The following CLCN5 variants were observed in gnomAD, a reference collection of about 807,000 sequenced individuals.
CLCN5 encodes the protein Cl-/H+ antiporter 5.
A neutral mutation model predicts 54.0 loss-of-function variants in CLCN5; 17 were observed. That is an observed-to-expected ratio of 0.31 (90% CI 0.22 to 0.47). CLCN5 has a LOEUF of 0.47. Among genes scored for constraint, CLCN5 ranks in the 20% least tolerant of loss-of-function variants. The pLI is 1.00. For missense variants in CLCN5, 448 were observed against 646.7 expected, an observed-to-expected ratio of 0.69 and a Z score of 3.33; for synonymous variants, 222 against 233.0, an observed-to-expected ratio of 0.95 and a Z score of 0.43.
chrX:50,046,611 A>G (rs782109336), intron 4 of CLCN5, among the ~76,000 whole-genome samples: 1 of 111,322 alleles, frequency 9.0e-6, no homozygotes, highest in Non-Finnish European at 1.9e-5. Flanking sequence ...TTAGAAATCT[A>G]GGTGGGGTCC....
At chrX:49,968,990 T>C (rs1928056497) in intron 3 of CLCN5, among the ~76,000 whole-genome samples, 2 of 111,662 alleles carry the variant, frequency 1.8e-5, no homozygotes, top group Admixed American at 9.5e-5. Flanking sequence ...TATTTTATTT[T>C]TTTTTCTTAC....
At chrX:50,080,533 A>C in intron 7 of CLCN5, 61 bp from the exon 8 acceptor site, 1 of 1,015,716 alleles carries the variant, frequency 9.8e-7, no homozygotes. Flanking sequence ...TACTCAGAAG[A>C]GCTGCATGTC....
chrX:50,067,546 T>TC, intron 4 of CLCN5: 1 of 741,372 alleles, frequency 1.3e-6, no homozygotes, highest in South Asian at 6.9e-5. Context: ...GTCACGTGAC[T>TC]CCAACAGTGA....
chrX:50,070,123 C>T, intron 5 of CLCN5, 93 bp downstream of exon 5: 1 of 859,768 alleles, frequency 1.2e-6, no homozygotes, highest in South Asian at 2.3e-5. Context: ...TTTCTTCAGC[C>T]CTGGATGTGA....
chrX:49,982,889 G>A (rs1478117094), intron 3 of CLCN5, among the ~76,000 whole-genome samples: 7 of 111,530 alleles, frequency 6.3e-5, no homozygotes, highest in African/African-American at 2.0e-4. Context: ...CCATGTATTA[G>A]TGTGCTACAA....
At chrX:50,057,391 ATCCAGGACTC>A in intron 4 of CLCN5, among the ~76,000 whole-genome samples, 1 of 84,344 alleles carries the variant, frequency 1.2e-5, no homozygotes, top group Admixed American at 1.2e-4. Flanking sequence ...GATAGATACT[ATCCAGGACTC>A]TCCTGGATAG....
chrX:49,958,324 T>C (rs782696969), intron 3 of CLCN5, among the ~76,000 whole-genome samples: 39 of 111,491 alleles, frequency 3.5e-4, no homozygotes, highest in African/African-American at 1.2e-3. Context: ...GGCATTCTTG[T>C]TGAGTAAGGT....
intron 3 of CLCN5, among the ~76,000 whole-genome samples, chrX:49,971,257 T>C (rs1928190576): frequency 1.9e-5 from 2 of 104,000 alleles, no homozygotes; most frequent in South Asian, 8.1e-4. Flanking sequence ...TATATATTTA[T>C]ATATATTTTT....
intron 3 of CLCN5, among the ~76,000 whole-genome samples, chrX:49,959,533 T>C (rs1013693504): frequency 2.7e-5 from 3 of 112,200 alleles, no homozygotes; most frequent in Non-Finnish European, 5.6e-5. Flanking sequence ...CTCTTTCCCT[T>C]GATGACACTG....
At chrX:50,025,373 C>G (rs1407291629) in intron 3 of CLCN5, among the ~76,000 whole-genome samples, 2 of 88,838 alleles carry the variant, frequency 2.3e-5, no homozygotes, top group African/African-American at 8.5e-5. Context: ...CCTGCGCCCA[C>G]TGTCTGGCAC....
chrX:50,031,889 T>TC (rs1294037672), intron 3 of CLCN5, among the ~76,000 whole-genome samples: 1 of 68,546 alleles, frequency 1.5e-5, no homozygotes, highest in East Asian at 5.4e-4. Context: ...CCCACAACAG[T>TC]CCCCAGAGTG....
intron 3 of CLCN5, among the ~76,000 whole-genome samples, chrX:50,025,472 G>T (rs1414393494): frequency 1.8e-5 from 2 of 109,463 alleles, no homozygotes. Context: ...GTAGACCGGA[G>T]CTGTTCCTAT....
At chrX:49,949,507 G>T (rs782674479) in intron 3 of CLCN5, among the ~76,000 whole-genome samples, 1 of 111,934 alleles carries the variant, frequency 8.9e-6, no homozygotes, top group East Asian at 2.8e-4. Context: ...ATACATATCA[G>T]ATAGATGGAC....
At chrX:50,036,527 T>A (rs1932005495) in intron 3 of CLCN5, among the ~76,000 whole-genome samples, 1 of 112,254 alleles carries the variant, frequency 8.9e-6, no homozygotes, top group South Asian at 3.7e-4. Flanking sequence ...TTCTCCTTTG[T>A]TGGGTCTTCA....
rs1934138521 is a variant in CLCN5 at position 50,092,551 on chromosome X, C to T, written c.*332C>T. On this transcript the variant is annotated 3_prime_UTR_variant, in exon 15 of 15. Transcript: ENST00000376091. Reference sequence around the variant, plus strand: ...CAATATGCAATCACTGAAAACTATGCAAGAGAAATTCCAACCGTCCTGACC... The same window carrying T: ...CAATATGCAATCACTGAAAACTATGTAAGAGAAATTCCAACCGTCCTGACC... 4.4e-6 allele frequency: 1 copy of T among 229,602 alleles called. No individual in the cohort carries two copies. Among genetic ancestry groups the T allele is most frequent in the Non-Finnish European group, 7.9e-6 (1 of 126,766 alleles). The allele number at this position is 229,602 out of a possible 1,213,427, so 18.9% of individuals were successfully genotyped here. A position where few individuals can be genotyped will look rare whatever the true frequency, so the allele number is the denominator to read the frequency against.
intron 3 of CLCN5, among the ~76,000 whole-genome samples, chrX:49,946,241 C>T (rs1401138617): frequency 9.0e-6 from 1 of 111,639 alleles, no homozygotes; most frequent in African/African-American, 3.2e-5. Context: ...AATGAATTAC[C>T]ACAAACTTAA....
intron 4 of CLCN5, among the ~76,000 whole-genome samples, chrX:50,066,163 TAAA>T (rs11393952): frequency 2.2e-5 from 1 of 45,227 alleles, no homozygotes; most frequent in Non-Finnish European, 3.9e-5. Context: ...AAAGTATAAT[TAAA>T]AAAAAAAAAA....
intron 3 of CLCN5, among the ~76,000 whole-genome samples, chrX:50,028,060 C>A (rs1931509988): frequency 1.8e-5 from 2 of 111,802 alleles, no homozygotes; most frequent in South Asian, 7.4e-4. Flanking sequence ...AGAATGGAAG[C>A]ATTCTGTAGT....
intron 3 of CLCN5, among the ~76,000 whole-genome samples, chrX:50,023,191 G>A (rs1341111157): frequency 1.3e-5 from 1 of 78,988 alleles, no homozygotes; most frequent in Non-Finnish European, 2.2e-5. Context: ...ATTTAGGATA[G>A]TTAGCTCCTC....
Sources: gnomAD v4.1 joint callset for allele counts (sites outside exome capture counted in the v4.1 genomes callset) on GRCh38, gnomAD v4.1.1 for gene constraint, MANE v1.5 for transcripts, NCBI Gene and HGNC (gene_info 2026-07-23, HGNC 2026-07-21) for gene names.